PACRG: variants seen among roughly 807,000 people sequenced by gnomAD.
The protein encoded by PACRG is parkin coregulated, also known as parkin coregulated gene protein.
PACRG carries 29 observed loss-of-function variants against 29.7 expected under a neutral mutation model. That is an observed-to-expected ratio of 0.98 (90% CI 0.73 to 1.33). PACRG has a LOEUF of 1.33. Ranked by LOEUF, PACRG falls within the 40% of genes most tolerant of loss-of-function variation. The probability of loss-of-function intolerance (pLI) is 0.00; values close to 1 mark genes in which losing one functional copy is unlikely to be tolerated. For missense variants in PACRG, 279 were observed against 316.2 expected, an observed-to-expected ratio of 0.88 and a Z score of 0.89; for synonymous variants, 116 against 118.7, an observed-to-expected ratio of 0.98 and a Z score of 0.15.
intron 4 of PACRG, among the ~76,000 whole-genome samples, chr6:163,139,755 C>T (rs770445585): frequency 1.3e-5 from 2 of 152,004 alleles, no homozygotes; most frequent in Non-Finnish European, 2.9e-5. Context: ...ACTGCAGTTA[C>T]TTCTGCCCCC....
chr6:162,836,430 A>G (rs1178795516), intron 2 of PACRG, among the ~76,000 whole-genome samples: 2 of 152,068 alleles, frequency 1.3e-5, no homozygotes, highest in Admixed American at 1.3e-4. Context: ...GGGGTGAGGT[A>G]GGAACACCTA....
Position 163,181,604 on chromosome 6 carries a change from C to CAA in PACRG, c.613+92222_613+92223dup, listed in dbSNP as rs544633309. Among the ~76,000 whole-genome samples, 640 of 65,114 alleles carry CAA rather than the reference C, an allele frequency of 9.8e-3. 36 individuals are homozygous for CAA. Among genetic ancestry groups the CAA allele is most frequent in the African/African-American group, 0.026 (395 of 14,948 alleles). The allele number at this position is 65,114 out of a possible 152,430, so 42.7% of individuals were successfully genotyped here. A position where few individuals can be genotyped will look rare whatever the true frequency, so the allele number is the denominator to read the frequency against. On this transcript the variant is annotated intron_variant, in intron 4 of 4. Coordinates refer to ENST00000366888, the MANE Select transcript of PACRG (RefSeq NM_001080379.2). ...ATCAGAGATTATTTGCTTGAGGTGG[C>CAA]AAAAAAAAAAAAAAAAAAAAAAAAA...
chr6:162,847,522 T>G (rs1562658911), intron 2 of PACRG, among the ~76,000 whole-genome samples: 2 of 150,942 alleles, frequency 1.3e-5, no homozygotes, highest in Admixed American at 6.7e-5. Context: ...ACATCTAGTA[T>G]GTGTGTATTG....
At chr6:162,865,718 C>T (rs1314784613) in intron 2 of PACRG, among the ~76,000 whole-genome samples, 1 of 152,054 alleles carries the variant, frequency 6.6e-6, no homozygotes, top group Non-Finnish European at 1.5e-5. Context: ...TTTAACTTGC[C>T]TCATGTAATT....
chr6:163,149,782 G>A (rs1027271649), intron 4 of PACRG, among the ~76,000 whole-genome samples: 2 of 152,106 alleles, frequency 1.3e-5, no homozygotes, highest in Admixed American at 6.5e-5. Flanking sequence ...TCGGATCCCC[G>A]GTGCAGGCCT....
At chr6:163,203,639 G>A (rs930701238) in intron 4 of PACRG, among the ~76,000 whole-genome samples, 2 of 152,142 alleles carry the variant, frequency 1.3e-5, no homozygotes, top group Non-Finnish European at 2.9e-5. Flanking sequence ...AAGATAATCC[G>A]CTCTTTCTGA....
intron 1 of PACRG, among the ~76,000 whole-genome samples, chr6:162,740,183 T>A (rs953323004): frequency 6.6e-6 from 1 of 152,224 alleles, no homozygotes; most frequent in Non-Finnish European, 1.5e-5. Context: ...TTTGTTTATA[T>A]CCTAGTTGAC....
chr6:162,935,523 T>C (rs181343294), intron 2 of PACRG, among the ~76,000 whole-genome samples: 30 of 152,034 alleles, frequency 2.0e-4, no homozygotes, highest in Non-Finnish European at 3.4e-4. Flanking sequence ...CCTCATTATA[T>C]GTTTCAGTTA....
intron 1 of PACRG, among the ~76,000 whole-genome samples, chr6:162,808,248 G>C (rs1396277177): frequency 4.6e-5 from 7 of 152,308 alleles, no homozygotes; most frequent in Non-Finnish European, 1.0e-4. Context: ...CAGAACTCAA[G>C]TCAACAGGTC....
At chr6:163,186,831 G>A (rs974469094) in intron 4 of PACRG, among the ~76,000 whole-genome samples, 9 of 152,256 alleles carry the variant, frequency 5.9e-5, no homozygotes, top group Non-Finnish European at 1.3e-4. Flanking sequence ...TACCCGCTGA[G>A]GGGCACAGTC....
At chr6:163,152,468 A>G (rs1778137277) in intron 4 of PACRG, among the ~76,000 whole-genome samples, 1 of 152,172 alleles carries the variant, frequency 6.6e-6, no homozygotes, top group South Asian at 2.1e-4. Context: ...TCCCTTGACT[A>G]ATTTAACACA....
In PACRG at chr6:162,969,046, C is replaced by CAA. The variant is rs35665491; in HGVS notation, c.292-93085_292-93084dup. Among the ~76,000 whole-genome samples the CAA allele has an allele frequency of 5.6e-3, 410 of 72,820 alleles. 18 individuals are homozygous for CAA. The highest frequency in any genetic ancestry group is 0.023 in the African/African-American group (391 of 16,740). 47.8% of individuals were successfully genotyped at this position (72,820 alleles called of 152,430 possible). ...TGGGGAACAGAGCGAGACTCTATCA[C>CAA]AAAAAAAAAAAAAAAAAAAAGTAAC... On this transcript the variant is annotated intron_variant, in intron 2 of 4. Transcript: ENST00000366888.
chr6:163,191,953 C>T (rs1411315843), intron 4 of PACRG: 4 of 342,068 alleles, frequency 1.2e-5, no homozygotes, highest in South Asian at 4.4e-5. Context: ...AACTGACCAG[C>T]GGTGCTATCT....
intron 2 of PACRG, among the ~76,000 whole-genome samples, chr6:162,827,300 C>A (rs1788370982): frequency 6.6e-6 from 1 of 152,130 alleles, no homozygotes; most frequent in Non-Finnish European, 1.5e-5. Context: ...TAACTTATTA[C>A]ATTTAATAAA....
chr6:163,201,753 G>A (rs1304738299), intron 4 of PACRG, among the ~76,000 whole-genome samples: 1 of 152,242 alleles, frequency 6.6e-6, no homozygotes, highest in Non-Finnish European at 1.5e-5. Flanking sequence ...TAGGTACATG[G>A]TAAGAGCATG....
chr6:162,890,708 C>T (rs767512899), intron 2 of PACRG, among the ~76,000 whole-genome samples: 5 of 152,320 alleles, frequency 3.3e-5, no homozygotes, highest in East Asian at 1.9e-4. Flanking sequence ...ATGTGCCCCA[C>T]GTGGGCATTC....
chr6:162,886,834 T>A (rs1794371714), intron 2 of PACRG, among the ~76,000 whole-genome samples: 1 of 152,218 alleles, frequency 6.6e-6, no homozygotes, highest in Non-Finnish European at 1.5e-5. Flanking sequence ...TATCATTAAT[T>A]TTTTAAATTT....
chr6:162,781,016 A>G (rs1433861026), intron 1 of PACRG, among the ~76,000 whole-genome samples: 2 of 152,192 alleles, frequency 1.3e-5, no homozygotes, highest in African/African-American at 2.4e-5. Flanking sequence ...GGTAAAAACT[A>G]TGAACCCACA....
At chr6:162,950,386 T>TA (rs879595255) in intron 2 of PACRG, among the ~76,000 whole-genome samples, 41 of 152,058 alleles carry the variant, frequency 2.7e-4, no homozygotes, top group Non-Finnish European at 5.1e-4. Context: ...CGAGCGCCTG[T>TA]ATTCCCAGCT....
Sources: gnomAD v4.1 joint callset for allele counts (sites outside exome capture counted in the v4.1 genomes callset) on GRCh38, gnomAD v4.1.1 for gene constraint, MANE v1.5 for transcripts, NCBI Gene and HGNC (gene_info 2026-07-23, HGNC 2026-07-21) for gene names.